Variants in ANO10 observed in about 807,000 individuals in gnomAD.
ANO10 encodes the protein anoctamin 10.
ANO10 carries 77 observed loss-of-function variants against 74.7 expected under a neutral mutation model. That is an observed-to-expected ratio of 1.03 (90% CI 0.86 to 1.25). The LOEUF is 1.25. Ranked by LOEUF, ANO10 falls within the 50% of genes most tolerant of loss-of-function variation. The pLI is 0.00. For missense variants in ANO10, 721 were observed against 778.1 expected (o/e 0.93, Z 0.87); for synonymous variants, 279 against 284.9 (o/e 0.98, Z 0.21).
At chr3:43,469,326 G>A (rs531402021) in intron 11 of ANO10, among the ~76,000 whole-genome samples, 3 of 151,940 alleles carry the variant, frequency 2.0e-5, no homozygotes, top group South Asian at 4.2e-4. Context: ...GATTACAGGC[G>A]TGAGCCACCA....
At chr3:43,671,481 AG>A in intron 1 of ANO10, among the ~76,000 whole-genome samples, 1 of 152,172 alleles carries the variant, frequency 6.6e-6, no homozygotes, top group Non-Finnish European at 1.5e-5. Flanking sequence ...ATAGGCTTAA[AG>A]GATGGGTTCC....
intron 11 of ANO10, among the ~76,000 whole-genome samples, chr3:43,446,906 C>A (rs984633514): frequency 6.6e-6 from 1 of 152,064 alleles, no homozygotes; most frequent in Non-Finnish European, 1.5e-5. Context: ...TAAAGTGATA[C>A]CCCTACCCCT....
chr3:43,581,079 ATACT>A (rs1240348371), intron 4 of ANO10, among the ~76,000 whole-genome samples: 2 of 152,198 alleles, frequency 1.3e-5, no homozygotes, highest in Non-Finnish European at 2.9e-5. Context: ...CTTAGTAAAT[ATACT>A]TAGAGGGGGA....
intron 12 of ANO10, among the ~76,000 whole-genome samples, chr3:43,385,760 G>C (rs777427836): frequency 6.9e-6 from 1 of 144,700 alleles, no homozygotes; most frequent in Non-Finnish European, 1.5e-5. Flanking sequence ...GGAAAGGATG[G>C]GGGGGAAGGA....
At chr3:43,494,987 T>A (rs2076862396) in intron 11 of ANO10, among the ~76,000 whole-genome samples, 1 of 151,956 alleles carries the variant, frequency 6.6e-6, no homozygotes, top group Non-Finnish European at 1.5e-5. Flanking sequence ...TAGGAAAATT[T>A]TTAGGAAAAA....
At chr3:43,579,971 G>A (rs1384397633) in intron 5 of ANO10, among the ~76,000 whole-genome samples, 2 of 151,686 alleles carry the variant, frequency 1.3e-5, no homozygotes, top group Non-Finnish European at 1.5e-5. Flanking sequence ...TGAGCAACAC[G>A]GCAAAACCCC....
chr3:43,574,759 A>G (rs755209376), intron 7 of ANO10, 50 bp downstream of exon 7: 2 of 1,320,116 alleles, frequency 1.5e-6, no homozygotes, highest in Non-Finnish European at 2.2e-6. Context: ...TATATTATGT[A>G]GTATATACCA....
Position 43,456,733 on chromosome 3 carries a change from G to A in ANO10, c.1798-24006C>T, listed in dbSNP as rs140821246. ...ATACCATTGGTGCCTACAAAAGGGA[G>A]GGTCACAGATGCAGGAATTAATACA... On this transcript the variant is annotated intron_variant, in intron 11 of 12. Coordinates refer to ENST00000292246, the MANE Select transcript of ANO10 (RefSeq NM_018075.5). 9.1e-3 allele frequency among the ~76,000 whole-genome samples: 1,386 copies of A among 152,294 alleles called. 18 individuals carry two copies. Among genetic ancestry groups the A allele is most frequent in the African/African-American group, 0.03 (1,238 of 41,566 alleles).
chr3:43,576,906 C>G lies in ANO10; in HGVS notation c.948G>C (p.Leu316=), dbSNP rs1370398389. The change falls in exon 6 of 13, where the codon CTG becomes CTC. Residue 316 remains leucine, a synonymous_variant. Coordinates refer to ENST00000292246, the MANE Select transcript of ANO10 (RefSeq NM_018075.5). The part of the protein sequence containing the change: ...PSYKRQLRIY[L]VSLPFVCLCL... ...AGAGGCACACGAATGGCAGGGAGAC[C>G]AGGTAAATGCGCAACTGTCTCTTGT... is the stretch of plus-strand genomic sequence containing the variant. 1 of 1,614,136 alleles carries G rather than the reference C, an allele frequency of 6.2e-7. No individual in the cohort carries two copies. Among genetic ancestry groups the G allele is most frequent in the Non-Finnish European group, 8.5e-7 (1 of 1,180,016 alleles).
chr3:43,597,053 A>G lies in ANO10; in HGVS notation c.472+1479T>C, dbSNP rs1575513588. ...GGCCATCAGAGAAATGCAAATCAAA[A>G]CCACAATGAGATACCATCTCACACC... On this transcript the variant is annotated intron_variant, in intron 4 of 12. Transcript: ENST00000292246. 2.0e-5 allele frequency among the ~76,000 whole-genome samples: 3 copies of G among 152,342 alleles called. No homozygotes were observed. In the South Asian group the frequency reaches 6.2e-4, roughly 32 times the overall value.
chr3:43,542,486 A>G (rs1203807390), intron 11 of ANO10, among the ~76,000 whole-genome samples: 1 of 152,204 alleles, frequency 6.6e-6, no homozygotes, highest in Non-Finnish European at 1.5e-5. Context: ...GAGCTGACAG[A>G]GTCATATGAA....
chr3:43,396,862 A>T (rs992250977), intron 12 of ANO10, among the ~76,000 whole-genome samples: 10 of 150,598 alleles, frequency 6.6e-5, no homozygotes, highest in Non-Finnish European at 1.2e-4. Flanking sequence ...AAGTTTACTA[A>T]TTTTTTTCTT....
At chr3:43,445,104 C>T (rs1454841080) in intron 11 of ANO10, among the ~76,000 whole-genome samples, 1 of 119,726 alleles carries the variant, frequency 8.4e-6, no homozygotes, top group African/African-American at 3.3e-5. Flanking sequence ...GCCTGGGCTA[C>T]AGAGTGAGAC....
rs1184248635 is a variant in ANO10, at chr3:43,579,077, G to C, written c.592+1276C>G. On this transcript the variant is annotated intron_variant, in intron 5 of 12. Coordinates refer to ENST00000292246, the MANE Select transcript of ANO10 (RefSeq NM_018075.5). Reference sequence around the variant, plus strand: ...AGGATACCATTAAACAAAACCAAAAGGAAAATGTCCTTTAAAGAAAAAAAA... The same window carrying C: ...AGGATACCATTAAACAAAACCAAAACGAAAATGTCCTTTAAAGAAAAAAAA... Among the ~76,000 whole-genome samples the C allele has an allele frequency of 2.0e-5, 3 of 151,648 alleles. No individual in the cohort carries two copies. The East Asian group carries it at 5.8e-4, about 29-fold the overall frequency.
At position 43,515,906 on chromosome 3, in the gene ANO10, A is replaced by T. The variant is rs114421570; in HGVS notation, c.1797+33814T>A. 5.5e-3 allele frequency among the ~76,000 whole-genome samples: 831 copies of T among 152,290 alleles called. 6 individuals are homozygous for T. The highest frequency in any genetic ancestry group is 0.019 in the African/African-American group (799 of 41,548). ...AGGAAGTACAATGAAGAGTAAACTT[A>T]AGGAATCTACTCCTGCCTTCTGAGC... On this transcript the variant is annotated intron_variant, in intron 11 of 12. Coordinates refer to ENST00000292246, the MANE Select transcript of ANO10 (RefSeq NM_018075.5).
In ANO10 at chr3:43,594,449, T is replaced by G. The variant is rs577722176; in HGVS notation, c.472+4083A>C. Among the ~76,000 whole-genome samples, 24 of 152,320 alleles carry G rather than the reference T, an allele frequency of 1.6e-4. 1 individual carries two copies. Among genetic ancestry groups the G allele is most frequent in the Middle Eastern group, 3.4e-3 (1 of 294 alleles). On this transcript the variant is annotated intron_variant, in intron 4 of 12. Transcript: ENST00000292246. ...GTGCAATCAAACTAGAACTCAGGAT[T>G]AAGAAACTCACTCAGAACTGCTCAG...
rs146254298 is a variant in ANO10, at chr3:43,505,803, G to A, written c.1797+43917C>T. Among the ~76,000 whole-genome samples, 451 of 152,216 alleles carry A rather than the reference G, an allele frequency of 3.0e-3. 1 individual carries two copies. Among genetic ancestry groups the A allele is most frequent in the Middle Eastern group, 0.01 (3 of 294 alleles). ...AAATAATATGGTCCCTAAGGGCAAA[G>A]ATTATACTTTATTCTCCCTATAGGG... On this transcript the variant is annotated intron_variant, in intron 11 of 12. Coordinates refer to ENST00000292246, the MANE Select transcript of ANO10 (RefSeq NM_018075.5).
At chr3:43,467,648 T>C (rs1157698296) in intron 11 of ANO10, among the ~76,000 whole-genome samples, 1 of 152,252 alleles carries the variant, frequency 6.6e-6, no homozygotes, top group Admixed American at 6.5e-5. Context: ...AGAAATGTTC[T>C]AAATCTTCTT....
At chr3:43,563,366 T>G (rs577033593) in intron 8 of ANO10, among the ~76,000 whole-genome samples, 1 of 150,818 alleles carries the variant, frequency 6.6e-6, no homozygotes, top group South Asian at 2.1e-4. Context: ...TACACTGTTG[T>G]TGGTAGAAAT....
Sources: gnomAD v4.1 joint callset for allele counts (sites outside exome capture counted in the v4.1 genomes callset) on GRCh38, gnomAD v4.1.1 for gene constraint, MANE v1.5 for transcripts, NCBI Gene and HGNC (gene_info 2026-07-23, HGNC 2026-07-21) for gene names.